Variants in TMEM196 observed in about 807,000 individuals in gnomAD.
TMEM196 encodes transmembrane protein 196.
In TMEM196, 17 loss-of-function variants were observed where a neutral mutation model predicts 20.0. That is an observed-to-expected ratio of 0.85 (90% confidence interval 0.58 to 1.27). The LOEUF is 1.27. Among genes scored for constraint, TMEM196 ranks in the 50% most tolerant of loss-of-function variants. The pLI is 0.00. For missense variants in TMEM196, 267 were observed against 223.0 expected (o/e 1.20, Z -1.26); for synonymous variants, 113 against 88.9 (o/e 1.27, Z -1.52).
Position 19,725,599 on chromosome 7 carries a change from G to A in TMEM196, c.374C>T (p.Thr125Ile), listed in dbSNP as rs1783969872. 6.2e-7 allele frequency: 1 copy of A among 1,613,996 alleles called. No individual in the cohort carries two copies. Reference sequence around the variant, plus strand: ...CTGTTCATAACTGGCTAGTCGACAAGTGAGCCAGGAAGAGAGAGTGCAGCC... The same window carrying A: ...CTGTTCATAACTGGCTAGTCGACAAATGAGCCAGGAAGAGAGAGTGCAGCC... ...IGGCTLSSWL[T>I]CRLASYEQRR... is the part of the protein sequence containing the mutation. The change falls in exon 3 of 5, where the codon ACT (threonine) becomes ATT (isoleucine). Residue 125 changes from threonine (T) to isoleucine (I), a missense_variant. By Grantham distance (89) the Thr-to-Ile change is moderately conservative. Transcript: ENST00000405844.
chr7:19,769,776 T>G (rs1224402835), intron 1 of TMEM196, among the ~76,000 whole-genome samples: 1 of 152,060 alleles, frequency 6.6e-6, no homozygotes, highest in Non-Finnish European at 1.5e-5. Flanking sequence ...CATTTACATG[T>G]TTTAGGTATT....
chr7:19,723,572 G>A (rs1049665607), intron 4 of TMEM196, among the ~76,000 whole-genome samples: 5 of 152,096 alleles, frequency 3.3e-5, no homozygotes, highest in African/African-American at 1.2e-4. Flanking sequence ...GTTTTAAAAT[G>A]AGTGAGTCTC....
At position 19,732,632 on chromosome 7, in the gene TMEM196, TTTG is replaced by T. The variant is rs200919389; in HGVS notation, c.148-3197_148-3195del. On this transcript the variant is annotated intron_variant, in intron 1 of 4. Coordinates refer to ENST00000405844, the MANE Select transcript of TMEM196 (RefSeq NM_001363562.2). ...GAAGTGATTTTTAGAGTTTTTTTTT[TTTG>T]TGTGTGTTAGTTCAGTGTAGGTTAT... Among the ~76,000 whole-genome samples, 24 of 136,750 alleles carry T rather than the reference TTTG, an allele frequency of 1.8e-4. No homozygotes were observed. In the East Asian group the frequency reaches 1.9e-3, roughly 11 times the overall value. 89.7% of individuals were successfully genotyped at this position (136,750 alleles called of 152,430 possible). A position where few individuals can be genotyped will look rare whatever the true frequency, so the allele number is the denominator to read the frequency against.
chr7:19,758,730 A>G (rs1317468481), intron 1 of TMEM196, among the ~76,000 whole-genome samples: 6 of 152,184 alleles, frequency 3.9e-5, no homozygotes, highest in Non-Finnish European at 7.3e-5. Flanking sequence ...TCAGAATTCT[A>G]TCCCTTCTTT....
At chr7:19,762,516 A>C (rs973244843) in intron 1 of TMEM196, among the ~76,000 whole-genome samples, 1 of 152,154 alleles carries the variant, frequency 6.6e-6, no homozygotes, top group Non-Finnish European at 1.5e-5. Context: ...AAGTGTATTT[A>C]TGTAACTTAA....
In TMEM196 at chr7:19,720,312, G is replaced by C. The variant is rs190062029; in HGVS notation, c.*1816C>G. 2 of 152,120 alleles carry C rather than the reference G, an allele frequency of 1.3e-5. No homozygotes were observed. Among genetic ancestry groups the C allele is most frequent in the Non-Finnish European group, 1.5e-5 (1 of 67,886 alleles). The allele number at this position is 152,120 out of a possible 1,614,324, so 9.4% of individuals were successfully genotyped here. On this transcript the variant is annotated 3_prime_UTR_variant, in exon 5 of 5. Coordinates refer to ENST00000405844, the MANE Select transcript of TMEM196 (RefSeq NM_001363562.2). ...AGATGACAGCCAGAATTTTAAGTGA[G>C]CTGATTTAAATAGGTTAAACGATGA...
In TMEM196 at chr7:19,721,577, T is replaced by G. The variant is rs533169045; in HGVS notation, c.*551A>C. 1 of 152,204 alleles carries G rather than the reference T, an allele frequency of 6.6e-6. No homozygotes were observed. The highest frequency in any genetic ancestry group is 2.1e-4 in the South Asian group (1 of 4,832). The allele number at this position is 152,204 out of a possible 1,614,324, so 9.4% of individuals were successfully genotyped here. A position where few individuals can be genotyped will look rare whatever the true frequency, so the allele number is the denominator to read the frequency against. ...ATTTACAAATAAATTATGAAATATA[T>G]TTCATTCACAAGTTGAAAATAATTA... is the stretch of plus-strand genomic sequence containing the variant. On this transcript the variant is annotated 3_prime_UTR_variant, in exon 5 of 5. Coordinates refer to ENST00000405844, the MANE Select transcript of TMEM196 (RefSeq NM_001363562.2).
At chr7:19,760,082 C>T (rs1785375031) in intron 1 of TMEM196, among the ~76,000 whole-genome samples, 1 of 152,078 alleles carries the variant, frequency 6.6e-6, no homozygotes, top group South Asian at 2.1e-4. Context: ...CTATTAGGCT[C>T]ACTATCTCAC....
chr7:19,732,581 A>C (rs10231334), intron 1 of TMEM196, among the ~76,000 whole-genome samples: 35,017 of 148,722 alleles, frequency 0.24, 5,145 homozygotes, highest in African/African-American at 0.41. Flanking sequence ...TCAAAAAAAA[A>C]AAACAAAAAA....
At chr7:19,766,921 G>A (rs966678413) in intron 1 of TMEM196, among the ~76,000 whole-genome samples, 17 of 152,036 alleles carry the variant, frequency 1.1e-4, no homozygotes, top group African/African-American at 4.1e-4. Flanking sequence ...TACAGAGACC[G>A]AACTAAGATA....
rs1271178343 is a variant in TMEM196, at chr7:19,720,950, CATG to C, written c.*1175_*1177del. 6.6e-6 allele frequency: 1 copy of C among 151,812 alleles called. No individual in the cohort carries two copies. Among genetic ancestry groups the C allele is most frequent in the Admixed American group, 6.6e-5 (1 of 15,224 alleles). 9.4% of individuals were successfully genotyped at this position (151,812 alleles called of 1,614,324 possible). A position where few individuals can be genotyped will look rare whatever the true frequency, so the allele number is the denominator to read the frequency against. ...ATCAATATCATCAATAATTTTAAGT[CATG>C]ATATCTTTATAAATACGGAAGTATG... On this transcript the variant is annotated 3_prime_UTR_variant, in exon 5 of 5. Transcript: ENST00000405844.
rs887273739 is a variant in TMEM196, at chr7:19,772,767, C to T, written c.-71G>A. On this transcript the variant is annotated 5_prime_UTR_variant, in exon 1 of 5. Transcript: ENST00000405844. ...ATCTACCTTTTTTTCTTCCACTATC[C>T]TCCTTACCCCTTCCACCCCCTACCA... The T allele has an allele frequency of 3.0e-6, 4 of 1,339,718 alleles. No individual in the cohort carries two copies. Among genetic ancestry groups the T allele is most frequent in the Non-Finnish European group, 2.9e-6 (3 of 1,028,704 alleles). 83.0% of individuals were successfully genotyped at this position (1,339,718 alleles called of 1,614,324 possible).
chr7:19,740,740 T>C (rs527550324), intron 1 of TMEM196, among the ~76,000 whole-genome samples: 1 of 152,244 alleles, frequency 6.6e-6, no homozygotes, highest in African/African-American at 2.4e-5. Context: ...TTTGCCTGCC[T>C]ATATCCAAGG....
rs147197362 is a variant in TMEM196 at position 19,772,851 on chromosome 7, A to G, written c.-155T>C. On this transcript the variant is annotated 5_prime_UTR_variant, in exon 1 of 5. Transcript: ENST00000405844. ...CATTATCCACAAGGGCTGGATTTCCAGAAACGAAGACCTTCCCTGGCTGGG... is the reference window on the plus strand; with the variant it reads ...CATTATCCACAAGGGCTGGATTTCCGGAAACGAAGACCTTCCCTGGCTGGG... The G allele has an allele frequency of 8.1e-4, 559 of 693,834 alleles. 5 individuals carry two copies. In the African/African-American group the frequency reaches 9.6e-3, roughly 12 times the overall value. 43.0% of individuals were successfully genotyped at this position (693,834 alleles called of 1,614,324 possible).
chr7:19,757,028 A>G (rs1351181146), intron 1 of TMEM196, among the ~76,000 whole-genome samples: 4 of 152,150 alleles, frequency 2.6e-5, no homozygotes, highest in Admixed American at 2.6e-4. Flanking sequence ...AAGAAAAGAC[A>G]AGTTTCTTCC....
At chr7:19,766,515 T>C (rs532286538) in intron 1 of TMEM196, among the ~76,000 whole-genome samples, 11 of 151,044 alleles carry the variant, frequency 7.3e-5, no homozygotes. Flanking sequence ...CATGTGTGTA[T>C]GTGTATATAT....
chr7:19,761,023 C>T (rs939388728), intron 1 of TMEM196, among the ~76,000 whole-genome samples: 9 of 152,176 alleles, frequency 5.9e-5, no homozygotes, highest in African/African-American at 2.2e-4. Flanking sequence ...GTGTTATTGC[C>T]GTTGACCTCA....
chr7:19,749,022 T>C (rs1374951506), intron 1 of TMEM196, among the ~76,000 whole-genome samples: 6 of 152,204 alleles, frequency 3.9e-5, no homozygotes, highest in Non-Finnish European at 8.8e-5. Flanking sequence ...ATAGTGATTA[T>C]CTCTGAGTGG....
At chr7:19,735,460 C>T (rs1019899188) in intron 1 of TMEM196, among the ~76,000 whole-genome samples, 163 of 151,640 alleles carry the variant, frequency 1.1e-3, no homozygotes, top group African/African-American at 3.8e-3. Context: ...GTCTCCCGCT[C>T]TTTCTTTTTC....
Sources: allele counts gnomAD v4.1 joint callset (sites outside exome capture counted in the v4.1 genomes callset), GRCh38; gene constraint gnomAD v4.1.1; transcripts MANE v1.5; gene names NCBI Gene and HGNC (gene_info 2026-07-23, HGNC 2026-07-21).